The following PFKFB4 variants were observed in gnomAD, a reference collection of about 807,000 sequenced individuals.
The protein encoded by PFKFB4 is 6-phosphofructo-2-kinase/fructose-2,6-bisphosphatase 4.
PFKFB4 carries 42 observed loss-of-function variants against 62.8 expected under a neutral mutation model. The ratio of observed to expected loss-of-function variants is 0.67; its 90% CI spans 0.52 to 0.86. The LOEUF is 0.86. Ranked by LOEUF, PFKFB4 falls within the 40% of genes least tolerant of loss-of-function variation. The pLI is 0.00. For synonymous variants in PFKFB4, 204 were observed against 240.7 expected, an observed-to-expected ratio of 0.85 and a Z score of 1.41; for missense variants, 475 against 627.2, an observed-to-expected ratio of 0.76 and a Z score of 2.59.
chr3:48,537,615 C>T (rs1021806922), intron 7 of PFKFB4, among the ~76,000 whole-genome samples: 3 of 150,936 alleles, frequency 2.0e-5, no homozygotes, highest in African/African-American at 7.3e-5. Flanking sequence ...CCTTGACCTC[C>T]CTGGGCTTAG....
chr3:48,526,927 C>T (rs992718304), intron 9 of PFKFB4, among the ~76,000 whole-genome samples: 5 of 144,844 alleles, frequency 3.5e-5, no homozygotes, highest in African/African-American at 1.0e-4. Context: ...GGTGACAGAG[C>T]GAGACTCCAT....
chr3:48,537,236 G>A (rs1388939192), intron 7 of PFKFB4, among the ~76,000 whole-genome samples: 2 of 152,170 alleles, frequency 1.3e-5, no homozygotes, highest in Non-Finnish European at 2.9e-5. Flanking sequence ...TGGGACCTTG[G>A]TTTGGGGGTG....
At chr3:48,533,820 C>T (rs969160640) in intron 9 of PFKFB4, among the ~76,000 whole-genome samples, 3 of 152,176 alleles carry the variant, frequency 2.0e-5, no homozygotes, top group Non-Finnish European at 4.4e-5. Flanking sequence ...TGCCATTGCA[C>T]TCCAGCCTGG....
chr3:48,523,872 G>A (rs540941811), intron 10 of PFKFB4, 42 bp from the exon 11 acceptor site: 258 of 1,595,094 alleles, frequency 1.6e-4, no homozygotes, highest in Middle Eastern at 3.4e-4. Context: ...GCCTGGCTCC[G>A]GGGGAGGGAC....
intron 13 of PFKFB4, among the ~76,000 whole-genome samples, chr3:48,520,155 T>C (rs1392316040): frequency 6.6e-6 from 1 of 152,116 alleles, no homozygotes; most frequent in Non-Finnish European, 1.5e-5. Flanking sequence ...TCCTCATCTG[T>C]GGGGCAGGGA....
intron 13 of PFKFB4, among the ~76,000 whole-genome samples, chr3:48,520,845 C>A (rs955432306): frequency 4.6e-5 from 7 of 152,202 alleles, no homozygotes; most frequent in African/African-American, 1.7e-4. Flanking sequence ...GCCCAGGGAC[C>A]TCTCTTACCA....
chr3:48,562,674 C>A (rs1167792699), upstream of PFKFB4: 1 of 1,052,448 alleles, frequency 9.5e-7, no homozygotes, highest in Non-Finnish European at 1.3e-6. This position sits in a 1 kb window ranked among gnomAD's most constrained non-coding sequence, Gnocchi z 4.3. Context: ...CCAGATGTGG[C>A]AGCGTCCAGA....
chr3:48,551,797 G>A (rs181375205), intron 1 of PFKFB4, among the ~76,000 whole-genome samples: 162 of 152,126 alleles, frequency 1.1e-3, no homozygotes, highest in African/African-American at 3.6e-3. Flanking sequence ...TGCCTGCCTC[G>A]TCCTCCCAAA....
chr3:48,548,097 A>G (rs940508739), intron 3 of PFKFB4: 1 of 152,132 alleles, frequency 6.6e-6, no homozygotes, highest in Non-Finnish European at 1.5e-5. Flanking sequence ...AACCTCTCTG[A>G]GTCTAGGTCT....
chr3:48,553,437 G>C (rs1246163184), intron 1 of PFKFB4, among the ~76,000 whole-genome samples: 1 of 151,902 alleles, frequency 6.6e-6, no homozygotes, highest in Admixed American at 6.5e-5. Context: ...TTGTGCCACT[G>C]CACTCCAGCC....
intron 9 of PFKFB4, among the ~76,000 whole-genome samples, chr3:48,529,132 G>C (rs1227530854): frequency 6.6e-6 from 1 of 151,944 alleles, no homozygotes. Flanking sequence ...CCACCTCCTG[G>C]GTTCAAGTGA....
Position 48,556,287 on chromosome 3 carries a change from T to C in PFKFB4, c.97+394A>G, listed in dbSNP as rs137977308. 2,939 of 492,158 alleles carry C rather than the reference T, an allele frequency of 6.0e-3. 13 individuals are homozygous for C. The highest frequency in any genetic ancestry group is 9.4e-3 in the Non-Finnish European group (2,359 of 250,412). The allele number at this position is 492,158 out of a possible 1,614,324, so 30.5% of individuals were successfully genotyped here. ...CTAGGGCCACACAGCTCAGTTCCAG[T>C]CCAACAACCCGGCCCACACTCCTTG... On this transcript the variant is annotated intron_variant, in intron 1 of 13. Transcript: ENST00000232375. This position sits in a 1 kb window ranked among gnomAD's most constrained non-coding sequence, Gnocchi z 5.7.
chr3:48,541,695 G>A (rs1469833443), intron 4 of PFKFB4, among the ~76,000 whole-genome samples: 1 of 152,232 alleles, frequency 6.6e-6, no homozygotes, highest in Non-Finnish European at 1.5e-5. Context: ...GCCGGGTGCA[G>A]TGGCTTATGC....
At chr3:48,559,978 C>A (rs1450840685), upstream of PFKFB4, 1 of 204,072 alleles carries the variant, frequency 4.9e-6, no homozygotes, top group African/African-American at 2.4e-5. Flanking sequence ...CAGCCTGGAG[C>A]ACATAGTGCA....
At chr3:48,540,516 G>A (rs763458889) in intron 4 of PFKFB4, among the ~76,000 whole-genome samples, 2 of 152,152 alleles carry the variant, frequency 1.3e-5, no homozygotes, top group Non-Finnish European at 2.9e-5. Flanking sequence ...GAAGTACCTG[G>A]GGCCTGCACA....
chr3:48,557,636 A>G (rs76459155), upstream of PFKFB4, among the ~76,000 whole-genome samples: 1 of 152,142 alleles, frequency 6.6e-6, no homozygotes, highest in African/African-American at 2.4e-5. Context: ...TCCCGGGTTC[A>G]AGGGATGCTC....
chr3:48,538,258 C>T (rs527501403), intron 7 of PFKFB4, among the ~76,000 whole-genome samples: 1 of 152,300 alleles, frequency 6.6e-6, no homozygotes, highest in Non-Finnish European at 1.5e-5. Context: ...AGAAATTCGG[C>T]TTGATTTCAT....
At chr3:48,537,436 C>T (rs543941319) in intron 7 of PFKFB4, among the ~76,000 whole-genome samples, 2 of 151,958 alleles carry the variant, frequency 1.3e-5, no homozygotes, top group Admixed American at 6.6e-5. Flanking sequence ...GGCTCTAGAA[C>T]CCAGCTGAGG....
intron 9 of PFKFB4, 59 bp from the exon 10 acceptor site, chr3:48,525,728 C>A: frequency 1.1e-6 from 1 of 898,776 alleles, no homozygotes; most frequent in African/African-American, 1.7e-5. Context: ...GCCTTGGGGA[C>A]ATGTGGGGTG....
Sources: allele counts gnomAD v4.1 joint callset (sites outside exome capture counted in the v4.1 genomes callset), GRCh38; gene constraint gnomAD v4.1.1; non-coding constraint Gnocchi (gnomAD v3.1); transcripts MANE v1.5; gene names NCBI Gene and HGNC (gene_info 2026-07-23, HGNC 2026-07-21).